CNTNAP4: variants seen among roughly 807,000 people sequenced by gnomAD.
The protein encoded by CNTNAP4 is contactin associated protein family member 4.
In CNTNAP4, 98 loss-of-function variants were observed where a neutral mutation model predicts 148.4. The observed-to-expected ratio is 0.66, with a 90% CI of 0.56 to 0.78. CNTNAP4 has a LOEUF of 0.78. Ranked by LOEUF, CNTNAP4 falls within the 30% of genes least tolerant of loss-of-function variation. The pLI, the probability that CNTNAP4 is intolerant of heterozygous loss-of-function variation, is 0.00. For missense variants in CNTNAP4, 1,935 were observed against 1,565.6 expected (o/e 1.24, Z -3.98); for synonymous variants, 730 against 565.1 (o/e 1.29, Z -4.14).
At chr16:76,376,094 A>AG (rs2015384853) in intron 3 of CNTNAP4, among the ~76,000 whole-genome samples, 1 of 151,994 alleles carries the variant, frequency 6.6e-6, no homozygotes, top group Admixed American at 6.6e-5. Context: ...AGTTAGGGGG[A>AG]GGGAGAGAAA....
chr16:76,548,970 G>A, intron 21 of CNTNAP4, among the ~76,000 whole-genome samples: 1 of 152,180 alleles, frequency 6.6e-6, no homozygotes, highest in East Asian at 1.9e-4. Flanking sequence ...TCAATTCTGG[G>A]AGGACGGCGG....
intron 17 of CNTNAP4, among the ~76,000 whole-genome samples, chr16:76,522,698 T>TTCC (rs1568497344): frequency 0.02 from 270 of 13,588 alleles, 21 homozygotes; most frequent in Admixed American, 0.04. Context: ...TTTCTTTTCT[T>TTCC]TTCTTTTCTT....
chr16:76,415,831 C>T (rs543506165), intron 3 of CNTNAP4, among the ~76,000 whole-genome samples: 2 of 151,066 alleles, frequency 1.3e-5, no homozygotes, highest in African/African-American at 4.8e-5. Context: ...TGGCATTTTT[C>T]ATTCTACAAA....
intron 2 of CNTNAP4, among the ~76,000 whole-genome samples, chr16:76,336,300 T>C (rs915104582): frequency 2.0e-4 from 30 of 152,230 alleles, no homozygotes; most frequent in African/African-American, 6.5e-4. Context: ...CTCAGAGATA[T>C]GTACAGTAAT....
At chr16:76,524,810 T>G (rs750346850) in intron 17 of CNTNAP4, among the ~76,000 whole-genome samples, 1 of 152,044 alleles carries the variant, frequency 6.6e-6, no homozygotes, top group Non-Finnish European at 1.5e-5. Flanking sequence ...GTCAAGTCAC[T>G]GAAAATAAAA....
chr16:76,488,324 C>T (rs1423143150), intron 12 of CNTNAP4, among the ~76,000 whole-genome samples: 1 of 152,104 alleles, frequency 6.6e-6, no homozygotes, highest in African/African-American at 2.4e-5. Flanking sequence ...AGATTAAGTT[C>T]TGTTTGAGAG....
intron 5 of CNTNAP4, 69 bp from the exon 6 acceptor site, chr16:76,448,698 A>G: frequency 8.2e-7 from 1 of 1,215,364 alleles, no homozygotes; most frequent in Non-Finnish European, 1.1e-6. Context: ...GGTGGTCCAC[A>G]GAAGGGAACC....
chr16:76,552,536 C>T (rs560395152), intron 21 of CNTNAP4, among the ~76,000 whole-genome samples: 2 of 152,122 alleles, frequency 1.3e-5, no homozygotes, highest in Non-Finnish European at 2.9e-5. Context: ...CTCCGTTCCA[C>T]AAGAGTCTCA....
In CNTNAP4 at chr16:76,461,991, T is replaced by A. The variant is rs1473449205; in HGVS notation, c.1369T>A (p.Ser457Thr). ...AAATGATGGGCAGTGGCATTCTGTCTCTTTATCTGCTAAAAAGAATCACTT... is the reference window on the plus strand; with the variant it reads ...AAATGATGGGCAGTGGCATTCTGTCACTTTATCTGCTAAAAAGAATCACTT... ...ELNDGQWHSV[S>T]LSAKKNHLSV... Residue 457 changes from serine to threonine, a missense_variant, in exon 9 of 24, where the codon TCT becomes ACT. Coordinates refer to ENST00000611870, the MANE Select transcript of CNTNAP4 (RefSeq NM_033401.5). 3 of 1,613,930 alleles carry A rather than the reference T, an allele frequency of 1.9e-6. No homozygotes were observed. Among genetic ancestry groups the A allele is most frequent in the South Asian group, 1.1e-5 (1 of 91,082 alleles).
At chr16:76,488,855 C>G (rs555469332) in intron 12 of CNTNAP4, among the ~76,000 whole-genome samples, 1 of 152,218 alleles carries the variant, frequency 6.6e-6, no homozygotes, top group African/African-American at 2.4e-5. Flanking sequence ...TTTATTTCAT[C>G]TAAGAAATTT....
Position 76,472,460 on chromosome 16 carries a change from T to C in CNTNAP4, c.1656-3479T>C, listed in dbSNP as rs547842170. ...TTTGGATTTTAGGCAAAGCCACTTA[T>C]GTTGAACTCTTTTTAAAACATGGTT... On this transcript the variant is annotated intron_variant, in intron 10 of 23. Transcript: ENST00000611870. Among the ~76,000 whole-genome samples the C allele has an allele frequency of 1.9e-3, 289 of 152,150 alleles. 4 individuals are homozygous for C. The highest frequency in any genetic ancestry group is 4.7e-3 in the African/African-American group (195 of 41,472).
intron 3 of CNTNAP4, among the ~76,000 whole-genome samples, chr16:76,394,996 C>G (rs903847132): frequency 6.6e-6 from 1 of 152,102 alleles, no homozygotes; most frequent in Non-Finnish European, 1.5e-5. Flanking sequence ...AATAGAACAA[C>G]TAGGCAATTC....
At chr16:76,351,855 C>T (rs1456343970) in intron 2 of CNTNAP4, among the ~76,000 whole-genome samples, 1 of 152,172 alleles carries the variant, frequency 6.6e-6, no homozygotes, top group Non-Finnish European at 1.5e-5. Context: ...CACACTGATT[C>T]TTTTCTTCTT....
At chr16:76,346,059 T>G (rs943532505) in intron 2 of CNTNAP4, among the ~76,000 whole-genome samples, 19 of 152,124 alleles carry the variant, frequency 1.2e-4, no homozygotes, top group Admixed American at 3.9e-4. Context: ...GAAAAATAAA[T>G]GTCTGTTGTT....
intron 3 of CNTNAP4, among the ~76,000 whole-genome samples, chr16:76,416,241 G>A (rs531380995): frequency 1.3e-4 from 19 of 150,990 alleles, no homozygotes; most frequent in Admixed American, 4.6e-4. Context: ...TTTCTCGAAT[G>A]TTTTCCTGTT....
intron 3 of CNTNAP4, among the ~76,000 whole-genome samples, chr16:76,394,355 C>A (rs1019235348): frequency 1.3e-5 from 2 of 152,106 alleles, no homozygotes; most frequent in Non-Finnish European, 2.9e-5. Flanking sequence ...CACGTACACA[C>A]TTCATAGTGT....
At chr16:76,491,572 G>T (rs1307470562) in intron 13 of CNTNAP4, among the ~76,000 whole-genome samples, 1 of 152,080 alleles carries the variant, frequency 6.6e-6, no homozygotes, top group Non-Finnish European at 1.5e-5. Context: ...GTTTGTAATG[G>T]GTTGTTCATT....
chr16:76,523,350 C>T (rs2083572192), intron 17 of CNTNAP4, among the ~76,000 whole-genome samples: 1 of 150,990 alleles, frequency 6.6e-6, no homozygotes, highest in Non-Finnish European at 1.5e-5. Context: ...TTCACCAGTT[C>T]CTCTGCTATT....
chr16:76,430,723 G>T (rs369707682), intron 4 of CNTNAP4, among the ~76,000 whole-genome samples: 1 of 152,098 alleles, frequency 6.6e-6, no homozygotes, highest in Non-Finnish European at 1.5e-5. Context: ...GGTGCGCTTC[G>T]CCTGAGCCAT....
Sources: gnomAD v4.1 joint callset for allele counts (sites outside exome capture counted in the v4.1 genomes callset) on GRCh38, gnomAD v4.1.1 for gene constraint, MANE v1.5 for transcripts, NCBI Gene and HGNC (gene_info 2026-07-23, HGNC 2026-07-21) for gene names.